RBMS3: variants seen among roughly 807,000 people sequenced by gnomAD.
RBMS3 encodes the protein RNA-binding motif, single-stranded-interacting protein 3.
In RBMS3, 27 loss-of-function variants were observed where a neutral mutation model predicts 66.8. The observed-to-expected ratio is 0.40, with a 90% confidence interval of 0.30 to 0.56. The LOEUF (loss-of-function observed/expected upper bound fraction) is 0.56. Ranked by LOEUF, RBMS3 falls within the 20% of genes least tolerant of loss-of-function variation. The pLI, the probability that RBMS3 is intolerant of heterozygous loss-of-function variation, is 0.40. For synonymous variants in RBMS3, 188 were observed against 183.0 expected (o/e 1.03, Z -0.22); for missense variants, 513 against 549.5 (o/e 0.93, Z 0.66).
chr3:29,336,314 A>G (rs776462596), intron 1 of RBMS3, among the ~76,000 whole-genome samples: 27 of 152,132 alleles, frequency 1.8e-4, no homozygotes, highest in Non-Finnish European at 2.8e-4. Flanking sequence ...AAACTATACC[A>G]TGGCAGTTGT....
intron 10 of RBMS3, among the ~76,000 whole-genome samples, chr3:29,914,459 C>T (rs552833723): frequency 1.3e-5 from 2 of 151,884 alleles, no homozygotes; most frequent in East Asian, 1.9e-4. Context: ...TCTAGCAATT[C>T]GCTCACTTTT....
intron 4 of RBMS3, among the ~76,000 whole-genome samples, chr3:29,625,654 C>A (rs979943620): frequency 6.6e-6 from 1 of 151,184 alleles, no homozygotes; most frequent in African/African-American, 2.4e-5. Context: ...GCTGAGATTG[C>A]GCCATTGCAC....
chr3:29,346,942 A>G (rs988409620), intron 1 of RBMS3, among the ~76,000 whole-genome samples: 6 of 152,138 alleles, frequency 3.9e-5, no homozygotes, highest in East Asian at 1.9e-4. Context: ...GCTATTGACC[A>G]TATGTTTCTA....
intron 3 of RBMS3, among the ~76,000 whole-genome samples, chr3:29,522,332 A>G (rs966653744): frequency 1.3e-5 from 2 of 152,152 alleles, no homozygotes; most frequent in African/African-American, 4.8e-5. Flanking sequence ...AGCTGGGATT[A>G]CAGGCCCCCA....
chr3:29,782,981 C>CA (rs1248599371), intron 6 of RBMS3, among the ~76,000 whole-genome samples: 4 of 151,354 alleles, frequency 2.6e-5, no homozygotes, highest in Admixed American at 2.6e-4. Context: ...CCATCAAAGA[C>CA]AAAGAAAAAA....
chr3:29,991,709 A>AAAAAAAAAGCTACCATATTTAT (rs1698887352), intron 14 of RBMS3: 1 of 150,536 alleles, frequency 6.6e-6, no homozygotes, highest in South Asian at 2.1e-4. Context: ...GCAGCCATTA[A>AAAAAAAAAGCTACCATATTTAT]AAAAAAAAGC....
chr3:29,988,797 A>C (rs1698616286), intron 13 of RBMS3, among the ~76,000 whole-genome samples: 1 of 152,142 alleles, frequency 6.6e-6, no homozygotes, highest in Non-Finnish European at 1.5e-5. Context: ...AGGAAAAAAA[A>C]AGAAATGTAG....
intron 7 of RBMS3, among the ~76,000 whole-genome samples, chr3:29,876,332 C>T (rs2149564884): frequency 6.6e-6 from 1 of 152,078 alleles, no homozygotes; most frequent in Non-Finnish European, 1.5e-5. Context: ...AGAAGTTCAG[C>T]TAAGTCAAGC....
intron 2 of RBMS3, among the ~76,000 whole-genome samples, chr3:29,439,475 G>A (rs564761228): frequency 6.6e-6 from 1 of 152,214 alleles, no homozygotes; most frequent in East Asian, 1.9e-4. Flanking sequence ...TTTGTCATAT[G>A]CATTCTTTTT....
At chr3:29,576,867 C>G (rs1213348522) in intron 3 of RBMS3, among the ~76,000 whole-genome samples, 4 of 152,154 alleles carry the variant, frequency 2.6e-5, no homozygotes, top group Admixed American at 6.5e-5. Context: ...TGAGACTCAC[C>G]CTTCTGAGAA....
At chr3:29,982,271 C>G (rs1004743490) in intron 12 of RBMS3, among the ~76,000 whole-genome samples, 7 of 152,046 alleles carry the variant, frequency 4.6e-5, no homozygotes, top group African/African-American at 1.7e-4. Context: ...GTGGTGATAT[C>G]CCCTTTATTA....
chr3:29,384,435 T>TAATAATAATAAG (rs776357215), intron 1 of RBMS3, among the ~76,000 whole-genome samples: 1,863 of 141,048 alleles, frequency 0.013, 29 homozygotes, highest in Admixed American at 0.041. Context: ...ATAATAATAA[T>TAATAATAATAAG]AAGAAGAAGA....
chr3:29,729,329 A>T (rs1015555539), intron 4 of RBMS3, among the ~76,000 whole-genome samples: 1 of 152,004 alleles, frequency 6.6e-6, no homozygotes, highest in Non-Finnish European at 1.5e-5. Context: ...CATCCTTTTT[A>T]TGTCTGCATA....
chr3:29,739,338 C>T (rs1253478086), intron 4 of RBMS3, among the ~76,000 whole-genome samples: 1 of 151,936 alleles, frequency 6.6e-6, no homozygotes, highest in Non-Finnish European at 1.5e-5. Flanking sequence ...CGCCTGTAGT[C>T]CCAGCTACTC....
At chr3:29,778,354 C>A (rs1222644220) in intron 6 of RBMS3, among the ~76,000 whole-genome samples, 1 of 151,622 alleles carries the variant, frequency 6.6e-6, no homozygotes, top group Non-Finnish European at 1.5e-5. Flanking sequence ...CACTTCTTCA[C>A]ACCAATATCT....
In RBMS3 at chr3:29,281,511, G is replaced by C. The variant is rs1226777522; in HGVS notation, c.-171G>C. 1 of 532,444 alleles carries C rather than the reference G, an allele frequency of 1.9e-6. No individual in the cohort carries two copies. Among genetic ancestry groups the C allele is most frequent in the Admixed American group, 3.8e-5 (1 of 26,524 alleles). 33.0% of individuals were successfully genotyped at this position (532,444 alleles called of 1,614,324 possible). On this transcript the variant is annotated 5_prime_UTR_variant, in exon 1 of 15. Coordinates refer to ENST00000383767, the MANE Select transcript of RBMS3 (RefSeq NM_001003793.3). The stretch of plus-strand genomic sequence containing the variant: ...TCCTTTGGTGTGTGTTTTTTGTTTT[G>C]TTTTGTTTTTTAAAAAAATTCTTGC...
Position 29,988,300 on chromosome 3 carries a change from T to C in RBMS3, c.1179+77T>C, listed in dbSNP as rs151329276. ...CATATACTGTAGTCCCCCATAACCA[T>C]AGGAATCCTCACTTGCAATTTTTGT... On this transcript the variant is annotated intron_variant, in intron 13 of 14. Coordinates refer to ENST00000383767, the MANE Select transcript of RBMS3 (RefSeq NM_001003793.3). 1.5e-5 allele frequency: 19 copies of C among 1,241,298 alleles called. No individual in the cohort carries two copies. In the African/African-American group the frequency reaches 2.1e-4, roughly 14 times the overall value. 76.9% of individuals were successfully genotyped at this position (1,241,298 alleles called of 1,614,324 possible).
At chr3:29,568,468 T>A (rs1414286459) in intron 3 of RBMS3, among the ~76,000 whole-genome samples, 1 of 152,230 alleles carries the variant, frequency 6.6e-6, no homozygotes, top group Non-Finnish European at 1.5e-5. Context: ...GTGCTAAATT[T>A]CAGCACAGTC....
intron 6 of RBMS3, among the ~76,000 whole-genome samples, chr3:29,838,057 G>A (rs760086963): frequency 6.6e-5 from 10 of 151,456 alleles, no homozygotes; most frequent in Non-Finnish European, 1.2e-4. Flanking sequence ...GGGAGGTGTG[G>A]TGGGTCATGC....
Sources: allele counts gnomAD v4.1 joint callset (sites outside exome capture counted in the v4.1 genomes callset), GRCh38; gene constraint gnomAD v4.1.1; transcripts MANE v1.5; gene names NCBI Gene and HGNC (gene_info 2026-07-23, HGNC 2026-07-21).